Variants in SOX13 observed in about 807,000 individuals in gnomAD.
SOX13 encodes the protein transcription factor SOX-13.
Under a neutral mutation model 71.8 loss-of-function variants are expected in SOX13, and 28 were observed. The observed-to-expected ratio is 0.39, with a 90% CI of 0.29 to 0.53. SOX13 has a LOEUF of 0.53. Ranked by LOEUF, SOX13 falls within the 20% of genes least tolerant of loss-of-function variation. The pLI is 0.70. For synonymous variants in SOX13, 309 were observed against 317.8 expected (o/e 0.97, Z 0.29); for missense variants, 627 against 810.3 (o/e 0.77, Z 2.75).
intron 7 of SOX13, among the ~76,000 whole-genome samples, chr1:204,121,040 T>C (rs1434377921): frequency 6.6e-6 from 1 of 151,086 alleles, no homozygotes; most frequent in Admixed American, 6.6e-5. Context: ...AGTGCAGTGG[T>C]GCAATCTCGA....
chr1:204,076,990 T>C (rs1443086756), intron 1 of SOX13, among the ~76,000 whole-genome samples: 2 of 152,082 alleles, frequency 1.3e-5, no homozygotes, highest in Non-Finnish European at 2.9e-5. Flanking sequence ...TGACATGCAA[T>C]GGGAAAGAAA....
intron 1 of SOX13, among the ~76,000 whole-genome samples, chr1:204,106,413 A>G (rs536725019): frequency 4.7e-4 from 72 of 152,150 alleles, no homozygotes; most frequent in African/African-American, 1.5e-3. Context: ...TTCTAAGAAT[A>G]TTTATCGAGC....
intron 1 of SOX13, among the ~76,000 whole-genome samples, chr1:204,075,281 C>T (rs1030584637): frequency 2.0e-5 from 3 of 152,190 alleles, no homozygotes; most frequent in African/African-American, 7.2e-5. Context: ...CTTTCGGACT[C>T]GTCCGACGCG....
intron 1 of SOX13, among the ~76,000 whole-genome samples, chr1:204,085,968 CAAAAA>C (rs761848065): frequency 1.0e-5 from 1 of 98,086 alleles, no homozygotes. Context: ...GACTCCGTCT[CAAAAA>C]AAAAAAAAAA....
rs566849815 is a variant in SOX13 at position 204,084,975 on chromosome 1, G to A, written c.-2+11264G>A. On this transcript the variant is annotated intron_variant, in intron 1 of 13. Coordinates refer to ENST00000367204, the MANE Select transcript of SOX13 (RefSeq NM_005686.3). ...GGACACCCAAACATGAAATGGATGGGAGATGGGAAAAGCATCTGGAGATTT... is the reference window on the plus strand; with the variant it reads ...GGACACCCAAACATGAAATGGATGGAAGATGGGAAAAGCATCTGGAGATTT... Among the ~76,000 whole-genome samples the A allele has an allele frequency of 3.9e-5, 6 of 152,320 alleles. No homozygotes were observed. In the South Asian group the frequency reaches 1.2e-3, roughly 32 times the overall value.
chr1:204,087,035 A>G (rs1364303940), intron 1 of SOX13, among the ~76,000 whole-genome samples: 7 of 151,284 alleles, frequency 4.6e-5, no homozygotes, highest in South Asian at 2.1e-4. Flanking sequence ...CCATTCTCCT[A>G]CCTCAGCCTC....
chr1:204,085,419 TC>T (rs1342557228), intron 1 of SOX13, among the ~76,000 whole-genome samples: 9 of 152,162 alleles, frequency 5.9e-5, no homozygotes, highest in Admixed American at 3.9e-4. Context: ...CCTGTTATTG[TC>T]CCTCTTCTTG....
intron 8 of SOX13, 32 bp downstream of exon 8, chr1:204,122,017 CCT>C (rs1656817149): frequency 6.7e-7 from 1 of 1,484,026 alleles, no homozygotes; most frequent in East Asian, 2.3e-5. Flanking sequence ...CCTGGGGCTC[CCT>C]CTCGAGCTTA....
At chr1:204,087,758 C>T (rs879109349) in intron 1 of SOX13, among the ~76,000 whole-genome samples, 10 of 152,170 alleles carry the variant, frequency 6.6e-5, no homozygotes, top group Admixed American at 2.0e-4. Flanking sequence ...TTTCAAAGCC[C>T]GGATGTGGAG....
intron 1 of SOX13, among the ~76,000 whole-genome samples, chr1:204,103,346 G>A (rs1176667210): frequency 2.0e-5 from 3 of 152,188 alleles, no homozygotes; most frequent in Non-Finnish European, 2.9e-5. Context: ...ATTTTGCACC[G>A]AGGAGAGTGG....
chr1:204,077,078 C>T (rs1655799736), intron 1 of SOX13, among the ~76,000 whole-genome samples: 2 of 152,334 alleles, frequency 1.3e-5, no homozygotes, highest in South Asian at 4.1e-4. Context: ...GTGAAGGCCA[C>T]CCTGGGGGAG....
At chr1:204,100,446 G>A (rs1656337868) in intron 1 of SOX13, among the ~76,000 whole-genome samples, 2 of 152,188 alleles carry the variant, frequency 1.3e-5, no homozygotes, top group Non-Finnish European at 2.9e-5. Context: ...AAAGCGGGGT[G>A]CTGGGCAGAT....
Position 204,081,610 on chromosome 1 carries a change from G to A in SOX13, c.-2+7899G>A, listed in dbSNP as rs1317142963. On this transcript the variant is annotated intron_variant, in intron 1 of 13. Transcript: ENST00000367204. This position sits in a 1 kb window ranked among gnomAD's most constrained non-coding sequence, Gnocchi z 4.3. ...CGCCTAGGAAAGGCTAGACAGGGAG[G>A]GGAGCCTTGGCGTGAGCTGCCCTCA... Among the ~76,000 whole-genome samples, 1 of 152,194 alleles carries A rather than the reference G, an allele frequency of 6.6e-6. No individual in the cohort carries two copies. Among genetic ancestry groups the A allele is most frequent in the Non-Finnish European group, 1.5e-5 (1 of 68,024 alleles).
intron 1 of SOX13, among the ~76,000 whole-genome samples, chr1:204,102,314 C>G (rs930807869): frequency 2.6e-5 from 4 of 152,226 alleles, no homozygotes; most frequent in African/African-American, 9.7e-5. Context: ...CTTCCTCTCC[C>G]TCTGGGGTTG....
Position 204,123,711 on chromosome 1 carries a change from A to T in SOX13, c.1282A>T (p.Met428Leu). 1 of 1,614,150 alleles carries T rather than the reference A, an allele frequency of 6.2e-7. No individual in the cohort carries two copies. Among genetic ancestry groups the T allele is most frequent in the Non-Finnish European group, 8.5e-7 (1 of 1,180,024 alleles). The change falls in exon 12 of 14, where the codon ATG (methionine) becomes TTG (leucine). Residue 428 changes from methionine to leucine, a missense_variant. Around this residue, in one of 3 missense-constraint regions of SOX13, gnomAD observed 32 missense variants for 85.4 expected, o/e 0.37. Transcript: ENST00000367204. The surrounding 1 kb of genome is among the most constrained non-coding windows in gnomAD (Gnocchi z 5.0). ...SRNSSHIKRP[M>L]NAFMVWAKDE... Reference sequence around the variant, plus strand: ...AAACAGCAGCCACATCAAGAGGCCCATGAACGCCTTCATGGTGTGGGCCAA... The same window carrying T: ...AAACAGCAGCCACATCAAGAGGCCCTTGAACGCCTTCATGGTGTGGGCCAA...
chr1:204,088,879 T>C (rs1343054747), intron 1 of SOX13, among the ~76,000 whole-genome samples: 1 of 152,164 alleles, frequency 6.6e-6, no homozygotes, highest in East Asian at 1.9e-4. Flanking sequence ...AAATACATAC[T>C]GTGCAGGCTC....
At chr1:204,085,051 C>T (rs1376688063) in intron 1 of SOX13, among the ~76,000 whole-genome samples, 1 of 152,164 alleles carries the variant, frequency 6.6e-6, no homozygotes, top group Non-Finnish European at 1.5e-5. Flanking sequence ...TAAGATGAGA[C>T]TTAAGGGATT....
At position 204,124,864 on chromosome 1, in the gene SOX13, AG is replaced by A. The variant is rs1174093062; in HGVS notation, c.1592+9del. On this transcript the variant is annotated splice_region_variant and intron_variant, in intron 13 of 13. Transcript: ENST00000367204. The stretch of plus-strand genomic sequence containing the variant: ...GCCAGAGCTACGTGATCCCGTGAGC[AG>A]GCCCCCCCGCAGGCAGCCAGGAGAC... The A allele has an allele frequency of 1.5e-5, 24 of 1,554,890 alleles. No homozygotes were observed. The highest frequency in any genetic ancestry group is 5.8e-5 in the Admixed American group (3 of 51,788).
chr1:204,126,011 G>A lies in SOX13; in HGVS notation c.1746G>A (p.Glu582=). 1.2e-6 allele frequency: 2 copies of A among 1,614,010 alleles called. No homozygotes were observed. Among genetic ancestry groups the A allele is most frequent in the South Asian group, 2.2e-5 (2 of 91,084 alleles). ...TCGTCAACACCTGCAGCCTCAGAGA[G>A]GAGGGTGAGGGCACAGATGACAGGC... The part of the protein sequence containing the change: ...PVIVNTCSLR[E]EGEGTDDRHS... The change falls in exon 14 of 14, where the codon GAG becomes GAA. Residue 582 remains glutamate (E), a synonymous_variant. Transcript: ENST00000367204.
Sources: gnomAD v4.1 joint callset for allele counts (sites outside exome capture counted in the v4.1 genomes callset) on GRCh38, gnomAD v4.1.1 for gene constraint, gnomAD v4.1.1 regional missense constraint, Gnocchi (gnomAD v3.1) non-coding constraint, MANE v1.5 for transcripts, NCBI Gene and HGNC (gene_info 2026-07-23, HGNC 2026-07-21) for gene names.